The following LUZP2 variants were observed in gnomAD, a reference collection of about 807,000 sequenced individuals.
LUZP2 encodes leucine zipper protein 2.
Under a neutral mutation model 51.6 loss-of-function variants are expected in LUZP2, and 52 were observed. The observed-to-expected ratio is 1.01, with a 90% CI of 0.81 to 1.27. The LOEUF (loss-of-function observed/expected upper bound fraction) is 1.27. Among genes scored for constraint, LUZP2 ranks in the 50% most tolerant of loss-of-function variants. The probability of loss-of-function intolerance (pLI) is 0.00; values close to 1 mark genes in which losing one functional copy is unlikely to be tolerated. For missense variants in LUZP2, 436 were observed against 395.4 expected (o/e 1.10, Z -0.87); for synonymous variants, 154 against 137.3 (o/e 1.12, Z -0.85).
chr11:24,692,582 A>C (rs1398048654), intron 1 of LUZP2, among the ~76,000 whole-genome samples: 1 of 152,062 alleles, frequency 6.6e-6, no homozygotes, highest in African/African-American at 2.4e-5. Context: ...TAAATGTGAT[A>C]TCTCTGCAGC....
chr11:24,617,697 T>G (rs1220296484), intron 1 of LUZP2, among the ~76,000 whole-genome samples: 1 of 152,070 alleles, frequency 6.6e-6, no homozygotes, highest in Non-Finnish European at 1.5e-5. Flanking sequence ...GGAGGGCACC[T>G]GTAGTCCCAG....
chr11:24,560,216 A>G (rs764682435), intron 1 of LUZP2, among the ~76,000 whole-genome samples: 3 of 152,176 alleles, frequency 2.0e-5, no homozygotes, highest in African/African-American at 4.8e-5. Flanking sequence ...ATGGTACAGC[A>G]GTTAGTCAAG....
At chr11:24,791,738 A>G (rs1039222088) in intron 5 of LUZP2, among the ~76,000 whole-genome samples, 1 of 152,122 alleles carries the variant, frequency 6.6e-6, no homozygotes, top group Non-Finnish European at 1.5e-5. Flanking sequence ...ATAGGACAGA[A>G]GGAGATTATT....
chr11:24,833,639 T>G (rs975035983), intron 5 of LUZP2, among the ~76,000 whole-genome samples: 1 of 152,132 alleles, frequency 6.6e-6, no homozygotes, highest in South Asian at 2.1e-4. Flanking sequence ...CGAATCAGAA[T>G]TTCAGTGTAG....
At chr11:24,730,439 A>G (rs773926400) in intron 2 of LUZP2, among the ~76,000 whole-genome samples, 35 of 151,748 alleles carry the variant, frequency 2.3e-4, no homozygotes, top group Non-Finnish European at 4.0e-4. Flanking sequence ...ACCCAGTAGG[A>G]CACAGAGATG....
rs540242721 is a variant in LUZP2 at position 24,760,106 on chromosome 11, A to G, written c.334-3140A>G. On this transcript the variant is annotated intron_variant, in intron 4 of 11. Coordinates refer to ENST00000336930, the MANE Select transcript of LUZP2 (RefSeq NM_001009909.4). ...CATAGTTGATTTCAAAGATTTTGTG[A>G]TCGGCAATTGGCAAAGATATTCTGA... is the stretch of plus-strand genomic sequence containing the variant. Among the ~76,000 whole-genome samples, 36 of 152,244 alleles carry G rather than the reference A, an allele frequency of 2.4e-4. 1 individual carries two copies. Among genetic ancestry groups the G allele is most frequent in the African/African-American group, 8.7e-4 (36 of 41,542 alleles).
At chr11:24,920,449 TC>T (rs965268550) in intron 7 of LUZP2, among the ~76,000 whole-genome samples, 2 of 151,904 alleles carry the variant, frequency 1.3e-5, no homozygotes, top group African/African-American at 4.8e-5. Context: ...GGGTATCTAC[TC>T]CCCCAAAAAG....
At chr11:24,924,154 T>A (rs575740664) in intron 7 of LUZP2, among the ~76,000 whole-genome samples, 1 of 151,360 alleles carries the variant, frequency 6.6e-6, no homozygotes, top group African/African-American at 2.4e-5. Flanking sequence ...CTCGGCTCAC[T>A]GCAACCTCTG....
intron 1 of LUZP2, among the ~76,000 whole-genome samples, chr11:24,583,697 T>C (rs2133826790): frequency 6.6e-6 from 1 of 150,478 alleles, no homozygotes; most frequent in Non-Finnish European, 1.5e-5. Context: ...GAAGTCGATG[T>C]ATACCTTACT....
At chr11:25,057,488 T>C (rs1175223093) in intron 10 of LUZP2, among the ~76,000 whole-genome samples, 2 of 152,196 alleles carry the variant, frequency 1.3e-5, no homozygotes, top group African/African-American at 4.8e-5. Flanking sequence ...AATGATAATA[T>C]TGGAGTCACA....
intron 1 of LUZP2, among the ~76,000 whole-genome samples, chr11:24,542,360 A>G (rs1444658494): frequency 6.6e-6 from 1 of 152,088 alleles, no homozygotes; most frequent in Non-Finnish European, 1.5e-5. Context: ...GCTGGATTTC[A>G]GAAGTCATGA....
At chr11:24,616,941 C>T (rs1854308719) in intron 1 of LUZP2, among the ~76,000 whole-genome samples, 2 of 152,152 alleles carry the variant, frequency 1.3e-5, no homozygotes, top group South Asian at 4.1e-4. Flanking sequence ...TTGGTATATA[C>T]TCCATAGGCA....
At chr11:24,701,254 A>G (rs1478108587) in intron 1 of LUZP2, 4 of 160,986 alleles carry the variant, frequency 2.5e-5, no homozygotes, top group South Asian at 2.1e-4. Flanking sequence ...GCATCCGCCA[A>G]TCACCATCCC....
intron 5 of LUZP2, among the ~76,000 whole-genome samples, chr11:24,775,241 A>G (rs1848880608): frequency 6.6e-6 from 1 of 152,160 alleles, no homozygotes. Context: ...AAACAGGAAA[A>G]TGTTGATACC....
At chr11:24,746,320 T>TC (rs1243874387) in intron 4 of LUZP2, among the ~76,000 whole-genome samples, 1 of 152,168 alleles carries the variant, frequency 6.6e-6, no homozygotes, top group African/African-American at 2.4e-5. Flanking sequence ...ATGCTTACTT[T>TC]CACTGGATAC....
At chr11:24,918,962 TTATATATAGTTATATA>T in intron 7 of LUZP2, among the ~76,000 whole-genome samples, 1 of 132,474 alleles carries the variant, frequency 7.5e-6, no homozygotes, top group Non-Finnish European at 1.6e-5. Context: ...ATAATATGTA[TTATATATAGTTATATA>T]TACTATATAT....
intron 5 of LUZP2, among the ~76,000 whole-genome samples, chr11:24,825,733 TC>T (rs1309446593): frequency 6.6e-6 from 1 of 152,062 alleles, no homozygotes; most frequent in Non-Finnish European, 1.5e-5. Context: ...TCGACAGAAA[TC>T]CCACAAGCTT....
At chr11:24,891,347 G>T in intron 5 of LUZP2, 4 of 884,428 alleles carry the variant, frequency 4.5e-6, no homozygotes, top group Non-Finnish European at 5.4e-6. Context: ...TATACATACT[G>T]ACATGTACAT....
intron 1 of LUZP2, among the ~76,000 whole-genome samples, chr11:24,588,706 G>A (rs1853157673): frequency 6.6e-6 from 1 of 151,764 alleles, no homozygotes; most frequent in Non-Finnish European, 1.5e-5. Context: ...TCTTTGTGTT[G>A]AGCATTTATG....
Sources: gnomAD v4.1 joint callset for allele counts (sites outside exome capture counted in the v4.1 genomes callset) on GRCh38, gnomAD v4.1.1 for gene constraint, MANE v1.5 for transcripts, NCBI Gene and HGNC (gene_info 2026-07-23, HGNC 2026-07-21) for gene names.